The following HEMK2 variants were observed in gnomAD, a reference collection of about 807,000 sequenced individuals.
The protein encoded by HEMK2 is methyltransferase HEMK2.
the HEMK2 span, among the ~76,000 whole-genome samples, chr21:28,838,231 A>G: frequency 2.0e-5 from 3 of 152,138 alleles, no homozygotes; most frequent in African/African-American, 7.2e-5. Flanking sequence ...AGGAAAGGAC[A>G]TAACCAAAAA....
chr21:28,650,693 T>C, the HEMK2 span, among the ~76,000 whole-genome samples: 4 of 152,028 alleles, frequency 2.6e-5, no homozygotes, highest in Non-Finnish European at 5.9e-5. Context: ...TAGAGAGGGG[T>C]GTCTAGCCAA....
At chr21:28,761,985 TC>T in the HEMK2 span, among the ~76,000 whole-genome samples, 1 of 152,258 alleles carries the variant, frequency 6.6e-6, no homozygotes. Context: ...CAAATGTGTT[TC>T]CAGTCTCTGC....
the HEMK2 span, among the ~76,000 whole-genome samples, chr21:28,648,293 G>A: frequency 8.5e-5 from 13 of 152,300 alleles, no homozygotes; most frequent in African/African-American, 3.1e-4. Flanking sequence ...AATCCTGAGA[G>A]TTAAACCTAA....
At chr21:28,774,574 C>A in the HEMK2 span, among the ~76,000 whole-genome samples, 2 of 151,164 alleles carry the variant, frequency 1.3e-5, no homozygotes, top group African/African-American at 4.9e-5. Context: ...GGTGACAAAG[C>A]AAAACCCTGC....
chr21:28,808,730 T>C, the HEMK2 span, among the ~76,000 whole-genome samples: 1 of 152,170 alleles, frequency 6.6e-6, no homozygotes, highest in Non-Finnish European at 1.5e-5. Flanking sequence ...TACCGTGATT[T>C]TGCTAAATTC....
chr21:28,877,573 GAAGA>G, the HEMK2 span, among the ~76,000 whole-genome samples: 3 of 99,942 alleles, frequency 3.0e-5, no homozygotes, highest in Non-Finnish European at 7.8e-5. Context: ...GGAAAGGAAA[GAAGA>G]AAGGAAGAAA....
chr21:28,823,775 A>G, the HEMK2 span, among the ~76,000 whole-genome samples: 7 of 152,188 alleles, frequency 4.6e-5, no homozygotes, highest in Admixed American at 1.3e-4. Flanking sequence ...GACATAAATC[A>G]GCAAACTTCA....
chr21:28,709,345 C>T, the HEMK2 span, among the ~76,000 whole-genome samples: 1 of 152,132 alleles, frequency 6.6e-6, no homozygotes, highest in African/African-American at 2.4e-5. Flanking sequence ...AATTACCTTC[C>T]ATTGTGGAAC....
chr21:28,696,168 G>T, the HEMK2 span, among the ~76,000 whole-genome samples: 3 of 151,936 alleles, frequency 2.0e-5, no homozygotes, highest in Non-Finnish European at 2.9e-5. Context: ...GAACAGTTTT[G>T]TGGGAAACTG....
the HEMK2 span, among the ~76,000 whole-genome samples, chr21:28,664,822 C>T: frequency 2.0e-5 from 3 of 152,004 alleles, no homozygotes; most frequent in East Asian, 1.9e-4. Context: ...TTAATAAATG[C>T]TAGTTTTTGA....
the HEMK2 span, among the ~76,000 whole-genome samples, chr21:28,812,455 T>G: frequency 6.6e-6 from 1 of 152,344 alleles, no homozygotes. Flanking sequence ...TTATTTGGTA[T>G]GTTGAACCAG....
At chr21:28,643,748 T>A in the HEMK2 span, among the ~76,000 whole-genome samples, 1 of 152,172 alleles carries the variant, frequency 6.6e-6, no homozygotes, top group Non-Finnish European at 1.5e-5. Flanking sequence ...GAGAAATGAA[T>A]GTCTGTTGTT....
At chr21:28,803,125 T>C in the HEMK2 span, among the ~76,000 whole-genome samples, 58 of 152,302 alleles carry the variant, frequency 3.8e-4, no homozygotes, top group African/African-American at 1.3e-3. Context: ...AGAATACTAA[T>C]GTCATTCCCA....
At chr21:28,795,644 C>T in the HEMK2 span, among the ~76,000 whole-genome samples, 1 of 152,120 alleles carries the variant, frequency 6.6e-6, no homozygotes, top group South Asian at 2.1e-4. Flanking sequence ...GAAGTATTTG[C>T]CATTTCCATG....
the HEMK2 span, among the ~76,000 whole-genome samples, chr21:28,796,597 C>T: frequency 3.3e-5 from 5 of 152,138 alleles, no homozygotes; most frequent in African/African-American, 9.7e-5. Context: ...CTGAGTCTTA[C>T]TCTGCCATCA....
chr21:28,601,344 A>G, the HEMK2 span, among the ~76,000 whole-genome samples: 1 of 152,098 alleles, frequency 6.6e-6, no homozygotes, highest in African/African-American at 2.4e-5. Context: ...CCTGTTCCCC[A>G]GCCTTACTGG....
the HEMK2 span, among the ~76,000 whole-genome samples, chr21:28,778,668 A>G: frequency 6.6e-6 from 1 of 152,118 alleles, no homozygotes; most frequent in Non-Finnish European, 1.5e-5. Flanking sequence ...GCATTTTCCC[A>G]GTGGCTAACA....
the HEMK2 span, among the ~76,000 whole-genome samples, chr21:28,815,843 T>C: frequency 2.6e-5 from 4 of 152,154 alleles, no homozygotes; most frequent in Non-Finnish European, 4.4e-5. Context: ...AAACCATACA[T>C]ATAGTTGTTA....
At chr21:28,678,111 A>C in the HEMK2 span, among the ~76,000 whole-genome samples, 180 of 152,308 alleles carry the variant, frequency 1.2e-3, 1 homozygote, top group African/African-American at 4.3e-3. Context: ...TAAAGGGGGA[A>C]GTTTGAACCC....
Sources: allele counts gnomAD v4.1 joint callset (sites outside exome capture counted in the v4.1 genomes callset), GRCh38; gene constraint gnomAD v4.1.1; transcripts MANE v1.5; gene names NCBI Gene and HGNC (gene_info 2026-07-23, HGNC 2026-07-21).